TMCC3: variants seen among roughly 807,000 people sequenced by gnomAD.
TMCC3 encodes the protein transmembrane and coiled-coil domain protein 3.
TMCC3 carries 28 observed loss-of-function variants against 40.2 expected under a neutral mutation model. The ratio of observed to expected loss-of-function variants is 0.70; its 90% CI spans 0.52 to 0.95. The LOEUF is 0.95. TMCC3 is among the 40% of genes least tolerant of loss of function. The pLI is 0.00. For missense variants in TMCC3, 554 were observed against 615.2 expected (o/e 0.90, Z 1.05); for synonymous variants, 255 against 248.5 (o/e 1.03, Z -0.25).
At chr12:94,609,801 C>T (rs2068804431) in intron 1 of TMCC3, 1 of 152,370 alleles carries the variant, frequency 6.6e-6, no homozygotes, top group African/African-American at 2.4e-5. Context: ...CCATTTGCTT[C>T]TGCTCACATG....
intron 1 of TMCC3, among the ~76,000 whole-genome samples, chr12:94,626,869 G>GTTTA (rs1239702349): frequency 6.6e-6 from 1 of 152,108 alleles, no homozygotes; most frequent in African/African-American, 2.4e-5. Context: ...TTGTTTGTTT[G>GTTTA]TTTGTTTTGA....
chr12:94,590,807 G>T, intron 1 of TMCC3: 1 of 473,406 alleles, frequency 2.1e-6, no homozygotes, highest in Non-Finnish European at 4.1e-6. Flanking sequence ...GGGAGACGGC[G>T]CAGGGTCTGA....
Position 94,633,934 on chromosome 12 carries a change from T to C in TMCC3, c.78+16419A>G, listed in dbSNP as rs189400747. Among the ~76,000 whole-genome samples the C allele has an allele frequency of 8.6e-4, 130 of 151,938 alleles. 1 individual carries two copies. Among genetic ancestry groups the C allele is most frequent in the Middle Eastern group, 3.4e-3 (1 of 294 alleles). ...GTTTTTCAATAGTACATATATATTA[T>C]TCTTTTTGTTTTTTATTTTTTTTTT... On this transcript the variant is annotated intron_variant, in intron 1 of 3. Transcript: ENST00000261226.
intron 1 of TMCC3, among the ~76,000 whole-genome samples, chr12:94,642,660 C>A (rs975795816): frequency 6.6e-6 from 1 of 152,222 alleles, no homozygotes; most frequent in African/African-American, 2.4e-5. Flanking sequence ...GGAAATCACA[C>A]CCACGGTCTC....
intron 1 of TMCC3, among the ~76,000 whole-genome samples, chr12:94,639,418 C>G (rs1323632449): frequency 6.6e-6 from 1 of 151,928 alleles, no homozygotes; most frequent in African/African-American, 2.4e-5. Flanking sequence ...CCCATCTCTA[C>G]CAAAAATACA....
In TMCC3 at chr12:94,605,619, T is replaced by C. The variant is rs563478225; in HGVS notation, c.79-23081A>G. Among the ~76,000 whole-genome samples the C allele has an allele frequency of 1.7e-4, 26 of 152,312 alleles. No individual in the cohort carries two copies. In the South Asian group the frequency reaches 4.6e-3, roughly 27 times the overall value. On this transcript the variant is annotated intron_variant, in intron 1 of 3. Coordinates refer to ENST00000261226, the MANE Select transcript of TMCC3 (RefSeq NM_020698.4). ...TTTTGCCTCATAAATACACAATTCATAATTTATTCCATCTCCACTCATCTC... is the reference window on the plus strand; with the variant it reads ...TTTTGCCTCATAAATACACAATTCACAATTTATTCCATCTCCACTCATCTC...
chr12:94,647,652 G>A (rs1252984522), intron 1 of TMCC3, among the ~76,000 whole-genome samples: 1 of 152,174 alleles, frequency 6.6e-6, no homozygotes, highest in African/African-American at 2.4e-5. Context: ...CAAGGAGATG[G>A]TGACATCAAG....
At chr12:94,602,790 A>G (rs1300555834) in intron 1 of TMCC3, among the ~76,000 whole-genome samples, 1 of 152,096 alleles carries the variant, frequency 6.6e-6, no homozygotes, top group Non-Finnish European at 1.5e-5. Flanking sequence ...CCTGTTGACT[A>G]TGGACATCCA....
intron 1 of TMCC3, among the ~76,000 whole-genome samples, chr12:94,644,841 G>A (rs1200116985): frequency 6.6e-6 from 1 of 152,128 alleles, no homozygotes; most frequent in African/African-American, 2.4e-5. Context: ...ACTGTGAGAA[G>A]GGCTACAGCA....
chr12:94,571,859 T>C, intron 3 of TMCC3, 122 bp from the exon 4 acceptor site: 1 of 898,718 alleles, frequency 1.1e-6, no homozygotes, highest in Non-Finnish European at 1.7e-6. Flanking sequence ...CGGCTGCAAA[T>C]CCCCAAACCG....
At chr12:94,629,411 C>T (rs1442476383) in intron 1 of TMCC3, among the ~76,000 whole-genome samples, 4 of 152,184 alleles carry the variant, frequency 2.6e-5, no homozygotes, top group Non-Finnish European at 4.4e-5. Flanking sequence ...GTCCCTGCCA[C>T]TCTGCATCAT....
chr12:94,597,764 G>A (rs1190499473), intron 1 of TMCC3, among the ~76,000 whole-genome samples: 5 of 151,190 alleles, frequency 3.3e-5, no homozygotes, highest in East Asian at 3.9e-4. Context: ...CCAAGATCGC[G>A]CCATTGCACT....
chr12:94,612,557 G>A (rs1318737470), intron 1 of TMCC3, among the ~76,000 whole-genome samples: 2 of 151,990 alleles, frequency 1.3e-5, no homozygotes, highest in African/African-American at 2.4e-5. Flanking sequence ...TGATCCACCC[G>A]CCTCGGCCCC....
At chr12:94,604,599 G>T (rs2068771480) in intron 1 of TMCC3, among the ~76,000 whole-genome samples, 1 of 142,628 alleles carries the variant, frequency 7.0e-6, no homozygotes, top group Non-Finnish European at 1.5e-5. Context: ...GAACCCAGCA[G>T]TTTGAGACCA....
At chr12:94,629,732 T>A (rs2068922555) in intron 1 of TMCC3, among the ~76,000 whole-genome samples, 1 of 152,110 alleles carries the variant, frequency 6.6e-6, no homozygotes. Flanking sequence ...GGGTCAAAAG[T>A]CTTGACCACC....
chr12:94,577,226 TCGTCCAGG>T lies in TMCC3; in HGVS notation c.1131+1160_1131+1167del, dbSNP rs565796176. On this transcript the variant is annotated intron_variant, in intron 3 of 3. Transcript: ENST00000261226. The stretch of plus-strand genomic sequence containing the variant: ...TTTTTTGAGACAGACTCTCACTGTG[TCGTCCAGG>T]CTGGAGTGCAATGGCGCGATCTCGG... Among the ~76,000 whole-genome samples the T allele has an allele frequency of 9.8e-4, 149 of 152,298 alleles. 1 individual carries two copies. Among genetic ancestry groups the T allele is most frequent in the African/African-American group, 3.4e-3 (142 of 41,556 alleles).
Position 94,625,067 on chromosome 12 carries a change from G to A in TMCC3, c.78+25286C>T, listed in dbSNP as rs543195792. Among the ~76,000 whole-genome samples, 20 of 151,386 alleles carry A rather than the reference G, an allele frequency of 1.3e-4. No individual in the cohort carries two copies. The East Asian group carries it at 1.9e-3, about 15-fold the overall frequency. The stretch of plus-strand genomic sequence containing the variant: ...TGAGGCAGGAGAATCGCTTGAATCC[G>A]GGAGGCCAAGGTTGCAGTGAGCCGA... On this transcript the variant is annotated intron_variant, in intron 1 of 3. Coordinates refer to ENST00000261226, the MANE Select transcript of TMCC3 (RefSeq NM_020698.4).
At chr12:94,630,111 C>G (rs1416039434) in intron 1 of TMCC3, among the ~76,000 whole-genome samples, 2 of 151,994 alleles carry the variant, frequency 1.3e-5, no homozygotes, top group African/African-American at 4.8e-5. Flanking sequence ...ACAAAAAATA[C>G]AAAAATTAGC....
At chr12:94,597,095 C>T (rs1361390796) in intron 1 of TMCC3, among the ~76,000 whole-genome samples, 3 of 129,994 alleles carry the variant, frequency 2.3e-5, no homozygotes, top group Non-Finnish European at 5.0e-5. Flanking sequence ...GCCTGGGCAA[C>T]ACAGTAAGTC....
Sources: allele counts gnomAD v4.1 joint callset (sites outside exome capture counted in the v4.1 genomes callset), GRCh38; gene constraint gnomAD v4.1.1; transcripts MANE v1.5; gene names NCBI Gene and HGNC (gene_info 2026-07-23, HGNC 2026-07-21).